DGKB: variants seen among roughly 807,000 people sequenced by gnomAD.
The protein encoded by DGKB is diacylglycerol kinase beta, also known as 90 kDa diacylglycerol kinase.
A neutral mutation model predicts 114.3 loss-of-function variants in DGKB; 67 were observed. The ratio of observed to expected loss-of-function variants is 0.59; its 90% CI spans 0.48 to 0.72. The LOEUF (loss-of-function observed/expected upper bound fraction) is 0.72. DGKB is among the 30% of genes least tolerant of loss of function. DGKB has a pLI of 0.00. For missense variants in DGKB, 907 were observed against 975.2 expected, an observed-to-expected ratio of 0.93 and a Z score of 0.93; for synonymous variants, 398 against 323.1, an observed-to-expected ratio of 1.23 and a Z score of -2.49.
intron 23 of DGKB, among the ~76,000 whole-genome samples, chr7:14,199,469 T>C (rs946481937): frequency 1.3e-5 from 2 of 152,014 alleles, no homozygotes; most frequent in Non-Finnish European, 2.9e-5. Context: ...ATTTCCACCA[T>C]GAAATCAAAG....
intron 21 of DGKB, among the ~76,000 whole-genome samples, chr7:14,472,740 A>AG (rs1223028353): frequency 4.6e-5 from 7 of 152,098 alleles, no homozygotes; most frequent in Non-Finnish European, 1.0e-4. Flanking sequence ...ATCCAGGCTG[A>AG]GGTGGTCTCA....
intron 23 of DGKB, among the ~76,000 whole-genome samples, chr7:14,291,619 C>T (rs747627250): frequency 1.1e-4 from 17 of 152,126 alleles, no homozygotes; most frequent in Non-Finnish European, 2.4e-4. Context: ...CTCTTTCTGA[C>T]ATTTTTGTTT....
intron 1 of DGKB, among the ~76,000 whole-genome samples, chr7:14,932,708 A>T (rs887447553): frequency 1.3e-5 from 2 of 152,208 alleles, no homozygotes; most frequent in African/African-American, 4.8e-5. Flanking sequence ...GCAAAACAAT[A>T]TAGGATCTAA....
chr7:14,215,425 C>T (rs1436446467), intron 23 of DGKB, among the ~76,000 whole-genome samples: 1 of 152,092 alleles, frequency 6.6e-6, no homozygotes, highest in Non-Finnish European at 1.5e-5. Context: ...CTTCCTCTCC[C>T]ATCTCTTGCA....
chr7:14,163,538 C>T (rs951102367), intron 25 of DGKB, among the ~76,000 whole-genome samples: 1 of 152,102 alleles, frequency 6.6e-6, no homozygotes, highest in Non-Finnish European at 1.5e-5. Flanking sequence ...TAAAAAGGTG[C>T]TTTTAGTTTA....
chr7:14,793,214 T>G lies in DGKB; in HGVS notation c.71-35483A>C, dbSNP rs376926516. On this transcript the variant is annotated intron_variant, in intron 2 of 25. Transcript: ENST00000402815. The stretch of plus-strand genomic sequence containing the variant: ...CACTTAAGAAAAATACTGACATTAT[T>G]CTCATAGAAGACTATTAGAAATGCA... Among the ~76,000 whole-genome samples the G allele has an allele frequency of 2.6e-5, 4 of 152,262 alleles. No individual in the cohort carries two copies. In the East Asian group the frequency reaches 7.7e-4, roughly 29 times the overall value.
chr7:14,263,653 C>T (rs2128417402), intron 23 of DGKB, among the ~76,000 whole-genome samples: 1 of 152,276 alleles, frequency 6.6e-6, no homozygotes, highest in Non-Finnish European at 1.5e-5. Context: ...CTTGAGGACT[C>T]CTCAGAACCA....
intron 6 of DGKB, among the ~76,000 whole-genome samples, chr7:14,706,446 C>G (rs1284964563): frequency 1.3e-5 from 2 of 150,522 alleles, no homozygotes; most frequent in East Asian, 3.9e-4. Flanking sequence ...GAATTGAACT[C>G]AGCTCTGCAC....
intron 23 of DGKB, among the ~76,000 whole-genome samples, chr7:14,255,490 G>A (rs1197685448): frequency 2.0e-5 from 3 of 152,144 alleles, no homozygotes; most frequent in Non-Finnish European, 4.4e-5. Context: ...AAGAATTCTT[G>A]AAATCTTTTC....
intron 23 of DGKB, among the ~76,000 whole-genome samples, chr7:14,292,457 T>C (rs939363335): frequency 2.6e-5 from 4 of 152,206 alleles, no homozygotes; most frequent in Admixed American, 6.5e-5. Context: ...ACATCTCGGA[T>C]TGACTACAAT....
At chr7:14,430,335 A>C (rs1428395712) in intron 21 of DGKB, among the ~76,000 whole-genome samples, 1 of 152,142 alleles carries the variant, frequency 6.6e-6, no homozygotes, top group Non-Finnish European at 1.5e-5. Context: ...GATCCATGTG[A>C]CTTATATCTA....
intron 1 of DGKB, among the ~76,000 whole-genome samples, chr7:14,878,321 A>T (rs1365084916): frequency 6.6e-6 from 1 of 152,212 alleles, no homozygotes; most frequent in Non-Finnish European, 1.5e-5. Flanking sequence ...CAATTGTTCT[A>T]ATGTCTCTGC....
At chr7:14,445,237 C>T (rs1830574855) in intron 21 of DGKB, among the ~76,000 whole-genome samples, 1 of 151,628 alleles carries the variant, frequency 6.6e-6, no homozygotes, top group African/African-American at 2.4e-5. Flanking sequence ...GATGACAAAC[C>T]CTGAAGGAAA....
intron 20 of DGKB, among the ~76,000 whole-genome samples, chr7:14,513,925 C>T (rs371802700): frequency 1.3e-4 from 20 of 151,862 alleles, no homozygotes; most frequent in African/African-American, 4.8e-4. Flanking sequence ...CCAAAATTTG[C>T]TGGTATTGCT....
intron 21 of DGKB, among the ~76,000 whole-genome samples, chr7:14,425,356 T>C (rs1316411766): frequency 2.0e-5 from 3 of 152,102 alleles, no homozygotes; most frequent in Non-Finnish European, 1.5e-5. Context: ...TCTGTATACT[T>C]GGTGAAAGAA....
chr7:14,495,459 T>TCTTATAGTC (rs1785169830), intron 20 of DGKB, among the ~76,000 whole-genome samples: 2 of 151,846 alleles, frequency 1.3e-5, no homozygotes, highest in Admixed American at 1.3e-4. Flanking sequence ...AAAAAAGAAG[T>TCTTATAGTC]TTTCAGGCTT....
intron 4 of DGKB, among the ~76,000 whole-genome samples, chr7:14,750,817 C>T (rs10278278): frequency 0.59 from 36,511 of 62,068 alleles, 7,963 homozygotes; most frequent in African/African-American, 0.73. Flanking sequence ...TTTTTTTTTT[C>T]TGAGACAGAG....
intron 23 of DGKB, among the ~76,000 whole-genome samples, chr7:14,237,429 A>G (rs1792972177): frequency 1.3e-5 from 2 of 151,848 alleles, no homozygotes. Context: ...GAAAGCGCTA[A>G]TATATGAGGA....
chr7:14,467,060 A>C (rs1390804637), intron 21 of DGKB, among the ~76,000 whole-genome samples: 4 of 152,096 alleles, frequency 2.6e-5, no homozygotes, highest in African/African-American at 9.7e-5. Context: ...AAATCAAAGC[A>C]TAAAAGGACA....
Sources: allele counts gnomAD v4.1 joint callset (sites outside exome capture counted in the v4.1 genomes callset), GRCh38; gene constraint gnomAD v4.1.1; transcripts MANE v1.5; gene names NCBI Gene and HGNC (gene_info 2026-07-23, HGNC 2026-07-21).